The following RABEP1 variants were observed in gnomAD, a reference collection of about 807,000 sequenced individuals.
The protein encoded by RABEP1 is rab GTPase-binding effector protein 1.
A neutral mutation model predicts 123.4 loss-of-function variants in RABEP1; 51 were observed. That is an observed-to-expected ratio of 0.41 (90% CI 0.33 to 0.52). RABEP1 has a LOEUF of 0.52. RABEP1 is among the 20% of genes least tolerant of loss of function. RABEP1 has a pLI of 0.16. For missense variants in RABEP1, 888 were observed against 996.3 expected, an observed-to-expected ratio of 0.89 and a Z score of 1.46; for synonymous variants, 347 against 355.2, an observed-to-expected ratio of 0.98 and a Z score of 0.26.
chr17:5,317,179 T>C (rs190712497), intron 2 of RABEP1, among the ~76,000 whole-genome samples: 1 of 152,218 alleles, frequency 6.6e-6, no homozygotes, highest in East Asian at 1.9e-4. Flanking sequence ...CTTGGGAATA[T>C]AGATGCAAAA....
intron 1 of RABEP1, among the ~76,000 whole-genome samples, chr17:5,288,738 G>C (rs566816229): frequency 6.7e-6 from 1 of 149,488 alleles, no homozygotes; most frequent in East Asian, 2.0e-4. Flanking sequence ...AAGTCTTGCT[G>C]TGTTGCCCAG....
intron 6 of RABEP1, 105 bp downstream of exon 6, chr17:5,347,030 A>C: frequency 1.0e-6 from 1 of 984,848 alleles, no homozygotes; most frequent in Non-Finnish European, 1.4e-6. Flanking sequence ...GCAACATGTT[A>C]GTGATTCAAT....
intron 5 of RABEP1, among the ~76,000 whole-genome samples, chr17:5,340,358 T>A (rs1567532697): frequency 6.6e-6 from 1 of 152,172 alleles, no homozygotes; most frequent in Non-Finnish European, 1.5e-5. Context: ...ATGGCTATTA[T>A]GAGGAACATA....
chr17:5,304,395 T>G (rs544028135), intron 1 of RABEP1, among the ~76,000 whole-genome samples: 5 of 151,582 alleles, frequency 3.3e-5, no homozygotes, highest in Non-Finnish European at 7.4e-5. Flanking sequence ...GCCTGGCTAA[T>G]GTGGTAAAGC....
intron 8 of RABEP1, among the ~76,000 whole-genome samples, chr17:5,360,483 G>A (rs1036020717): frequency 5.3e-5 from 8 of 152,216 alleles, no homozygotes; most frequent in African/African-American, 1.9e-4. Context: ...AATGGCGTGA[G>A]CCCGGGAGGC....
chr17:5,335,264 G>A lies in RABEP1; in HGVS notation c.448G>A (p.Ala150Thr), dbSNP rs780161541. ...RTQWAQYRESAEREIADLRRR... is the reference protein window; with the variant it reads ...RTQWAQYRESTEREIADLRRR... ...ACAGTGGGCACAGTATAGAGAATCC[G>A]CAGAGAGGGAAATAGCTGATTTAAG... Residue 150 changes from alanine to threonine, a missense_variant, in exon 4 of 18, where the codon GCA (alanine) becomes ACA (threonine). Transcript: ENST00000537505. 1.7e-5 allele frequency: 27 copies of A among 1,613,806 alleles called. No homozygotes were observed. The highest frequency in any genetic ancestry group is 6.6e-5 in the South Asian group (6 of 91,076).
intron 1 of RABEP1, among the ~76,000 whole-genome samples, chr17:5,285,455 C>T (rs1039001788): frequency 4.5e-4 from 68 of 152,038 alleles, no homozygotes; most frequent in Non-Finnish European, 4.9e-4. Flanking sequence ...TTTATTCTTG[C>T]CATGTTGGCC....
intron 11 of RABEP1, among the ~76,000 whole-genome samples, chr17:5,367,386 C>T (rs1910108273): frequency 6.6e-6 from 1 of 151,810 alleles, no homozygotes; most frequent in Admixed American, 6.6e-5. Flanking sequence ...ATTCTCCTGC[C>T]TCAGCCTCCT....
intron 2 of RABEP1, among the ~76,000 whole-genome samples, chr17:5,318,332 C>T (rs1365349827): frequency 2.0e-5 from 3 of 152,000 alleles, no homozygotes; most frequent in Non-Finnish European, 4.4e-5. Context: ...AGTATGCTAT[C>T]AAAATTACTG....
intron 2 of RABEP1, among the ~76,000 whole-genome samples, chr17:5,310,551 C>T (rs1484905823): frequency 3.3e-5 from 5 of 151,920 alleles, no homozygotes; most frequent in African/African-American, 1.2e-4. Flanking sequence ...AACTCCTGAC[C>T]TTGTGATCCG....
chr17:5,359,651 C>T (rs1909331204), intron 8 of RABEP1, among the ~76,000 whole-genome samples: 1 of 151,996 alleles, frequency 6.6e-6, no homozygotes, highest in Non-Finnish European at 1.5e-5. Context: ...CAAAATTTGT[C>T]ACCTTTTTAT....
At chr17:5,362,482 A>G (rs950359903) in intron 9 of RABEP1, among the ~76,000 whole-genome samples, 3 of 152,216 alleles carry the variant, frequency 2.0e-5, no homozygotes, top group African/African-American at 7.2e-5. Flanking sequence ...GAAAGAAACT[A>G]TTCTCATTGG....
At chr17:5,310,876 C>T (rs539338121) in intron 2 of RABEP1, among the ~76,000 whole-genome samples, 42 of 147,776 alleles carry the variant, frequency 2.8e-4, no homozygotes, top group African/African-American at 1.0e-3. Context: ...GTGGTGTGAT[C>T]TTGGCTCACT....
At chr17:5,299,761 C>T (rs1906779120) in intron 1 of RABEP1, among the ~76,000 whole-genome samples, 1 of 112,590 alleles carries the variant, frequency 8.9e-6, no homozygotes, top group East Asian at 3.3e-4. Flanking sequence ...GGCAGAGTCT[C>T]TCCTTGTCGC....
chr17:5,314,667 C>A, intron 2 of RABEP1, among the ~76,000 whole-genome samples: 2 of 151,854 alleles, frequency 1.3e-5, no homozygotes, highest in South Asian at 4.2e-4. Flanking sequence ...TACAGGCGCC[C>A]GCCACCACGC....
At chr17:5,368,200 G>A (rs1384898688) in intron 11 of RABEP1, among the ~76,000 whole-genome samples, 170 bp from the exon 12 acceptor site, 1 of 152,174 alleles carries the variant, frequency 6.6e-6, no homozygotes, top group African/African-American at 2.4e-5. Context: ...TATCTGAAAG[G>A]CCAAGGCTTT....
intron 2 of RABEP1, among the ~76,000 whole-genome samples, chr17:5,313,840 A>G (rs1200618589): frequency 6.6e-6 from 1 of 152,260 alleles, no homozygotes; most frequent in Non-Finnish European, 1.5e-5. Context: ...TGCATAGTAT[A>G]TAAAAGGTCA....
At chr17:5,320,421 C>CAAAAAAAAAAAAAAA (rs60202531) in intron 2 of RABEP1, among the ~76,000 whole-genome samples, 1 of 84,642 alleles carries the variant, frequency 1.2e-5, no homozygotes, top group African/African-American at 4.3e-5. Flanking sequence ...GCTAACACAC[C>CAAAAAAAAAAAAAAA]AAAAAAAAAA....
At chr17:5,359,322 C>T (rs1047996422) in intron 8 of RABEP1, among the ~76,000 whole-genome samples, 2 of 152,294 alleles carry the variant, frequency 1.3e-5, no homozygotes, top group Non-Finnish European at 1.5e-5. Context: ...GATCTGCCCG[C>T]CTCGGCCTCC....
Sources: allele counts gnomAD v4.1 joint callset (sites outside exome capture counted in the v4.1 genomes callset), GRCh38; gene constraint gnomAD v4.1.1; transcripts MANE v1.5; gene names NCBI Gene and HGNC (gene_info 2026-07-23, HGNC 2026-07-21).